The following PDIA3 variants were observed in gnomAD, a reference collection of about 807,000 sequenced individuals.
The protein encoded by PDIA3 is protein disulfide-isomerase A3.
PDIA3 carries 16 observed loss-of-function variants against 56.9 expected under a neutral mutation model. That is an observed-to-expected ratio of 0.28 (90% CI 0.19 to 0.43). The LOEUF (loss-of-function observed/expected upper bound fraction) is 0.43. Ranked by LOEUF, PDIA3 falls within the 20% of genes least tolerant of loss-of-function variation. PDIA3 has a pLI of 1.00. For synonymous variants in PDIA3, 192 were observed against 216.5 expected, an observed-to-expected ratio of 0.89 and a Z score of 0.99; for missense variants, 485 against 621.3, an observed-to-expected ratio of 0.78 and a Z score of 2.33.
intron 1 of PDIA3, among the ~76,000 whole-genome samples, chr15:43,749,217 C>A (rs1293362879): frequency 6.6e-6 from 1 of 152,086 alleles, no homozygotes; most frequent in East Asian, 1.9e-4. Context: ...CCTCAGCCTC[C>A]TGAGTAGCTG....
chr15:43,756,651 T>C lies in PDIA3; in HGVS notation c.249T>C (p.Val83=), dbSNP rs1421001610. Residue 83 remains valine (V), a splice_region_variant and synonymous_variant, in exon 3 of 13, where the codon GTT becomes GTC. Coordinates refer to ENST00000300289, the MANE Select transcript of PDIA3 (RefSeq NM_005313.5). ...AGTTTGTGTATTTTGATCTTTAGGT[T>C]GATTGCACTGCCAACACTAACACCT... ...RLKGIVPLAK[V]DCTANTNTCN... is the part of the protein sequence containing the mutation. 1 of 1,555,436 alleles carries C rather than the reference T, an allele frequency of 6.4e-7. No homozygotes were observed. The highest frequency in any genetic ancestry group is 1.4e-5 in the African/African-American group (1 of 73,816).
chr15:43,749,340 C>T (rs189158062), intron 1 of PDIA3, among the ~76,000 whole-genome samples: 8 of 152,080 alleles, frequency 5.3e-5, no homozygotes, highest in Admixed American at 2.0e-4. Flanking sequence ...CCACCCTCCT[C>T]GGCCTCCCAA....
rs2086880965 is a variant in PDIA3, at chr15:43,771,368, A to G, written c.*150A>G. ...TCTGAATCCTGTTAAATTTTCTCTA[A>G]ACTGTTTCTTAGCTGCACTGTTTAT... On this transcript the variant is annotated 3_prime_UTR_variant, in exon 13 of 13. Transcript: ENST00000300289. 1 of 532,052 alleles carries G rather than the reference A, an allele frequency of 1.9e-6. No homozygotes were observed. The highest frequency in any genetic ancestry group is 1.9e-5 in the African/African-American group (1 of 51,914). 33.0% of individuals were successfully genotyped at this position (532,052 alleles called of 1,614,324 possible). A position where few individuals can be genotyped will look rare whatever the true frequency, so the allele number is the denominator to read the frequency against.
Position 43,765,472 on chromosome 15 carries a change from T to G in PDIA3, c.625T>G (p.Ser209Ala), listed in dbSNP as rs747557925. 18 of 1,608,374 alleles carry G rather than the reference T, an allele frequency of 1.1e-5. No homozygotes were observed. The East Asian group carries it at 2.0e-4, about 18-fold the overall frequency. ...AAGGGGTATCATCTTATTTCGTCCTTCACATCTCACTAACAAGTTTGAGGA... is the reference window on the plus strand; with the variant it reads ...AAGGGGTATCATCTTATTTCGTCCTGCACATCTCACTAACAAGTTTGAGGA... ...NGEGIILFRP[S>A]HLTNKFEDKT... The change falls in exon 6 of 13, where the codon TCA (serine) becomes GCA (alanine). Residue 209 changes from serine to alanine, a missense_variant. Ser to Ala is a moderately conservative substitution (Grantham distance 99). Coordinates refer to ENST00000300289, the MANE Select transcript of PDIA3 (RefSeq NM_005313.5).
intron 1 of PDIA3, among the ~76,000 whole-genome samples, chr15:43,753,234 C>T (rs540618875): frequency 2.0e-5 from 3 of 152,284 alleles, no homozygotes; most frequent in South Asian, 2.1e-4. Context: ...CCCACCACCA[C>T]GCCTGGCTAA....
At chr15:43,749,958 A>C (rs949267833) in intron 1 of PDIA3, among the ~76,000 whole-genome samples, 2 of 151,988 alleles carry the variant, frequency 1.3e-5, no homozygotes, top group African/African-American at 4.8e-5. Flanking sequence ...AAAGAAAGTA[A>C]AATGGGCTTT....
intron 4 of PDIA3, 137 bp from the exon 5 acceptor site, chr15:43,762,940 G>A (rs1439246548): frequency 8.3e-6 from 6 of 726,406 alleles, no homozygotes; most frequent in Non-Finnish European, 1.3e-5. Context: ...GCCTGTCTGA[G>A]GTAGTCATGG....
intron 3 of PDIA3, among the ~76,000 whole-genome samples, chr15:43,759,591 C>G (rs561468050): frequency 3.9e-4 from 59 of 152,236 alleles, no homozygotes; most frequent in Admixed American, 1.3e-3. Flanking sequence ...ACACCTATAT[C>G]CACAGCAGCA....
At chr15:43,764,855 C>T (rs1025803365) in intron 5 of PDIA3, among the ~76,000 whole-genome samples, 2 of 152,096 alleles carry the variant, frequency 1.3e-5, no homozygotes, top group East Asian at 3.8e-4. Flanking sequence ...TAAATTGAGA[C>T]CTGGTCCAAC....
At chr15:43,747,013 A>G (rs755857635) in intron 1 of PDIA3, 3 of 433,718 alleles carry the variant, frequency 6.9e-6, no homozygotes, top group Non-Finnish European at 1.3e-5. Context: ...ATATGTAGCT[A>G]TATCTTTTCT....
intron 7 of PDIA3, among the ~76,000 whole-genome samples, chr15:43,766,490 G>T (rs1236763680): frequency 6.6e-6 from 1 of 152,190 alleles, no homozygotes; most frequent in East Asian, 1.9e-4. Flanking sequence ...ATTACAGCAA[G>T]ATTTAGCAGG....
Position 43,773,035 on chromosome 15 carries a change from T to C in PDIA3, c.*1817T>C. 3 of 1,285,964 alleles carry C rather than the reference T, an allele frequency of 2.3e-6. No homozygotes were observed. Among genetic ancestry groups the C allele is most frequent in the Non-Finnish European group, 3.2e-6 (3 of 924,036 alleles). 79.7% of individuals were successfully genotyped at this position (1,285,964 alleles called of 1,614,324 possible). A position where few individuals can be genotyped will look rare whatever the true frequency, so the allele number is the denominator to read the frequency against. Reference sequence around the variant, plus strand: ...CAGTGGTCAGCATAAGAAAAGCAGATAGTTGCATTCTATTTAGTTTATAGC... The same window carrying C: ...CAGTGGTCAGCATAAGAAAAGCAGACAGTTGCATTCTATTTAGTTTATAGC... On this transcript the variant is annotated 3_prime_UTR_variant, in exon 13 of 13. Transcript: ENST00000300289.
chr15:43,760,615 G>A (rs1427962644), intron 3 of PDIA3, among the ~76,000 whole-genome samples: 8 of 147,204 alleles, frequency 5.4e-5, no homozygotes, highest in East Asian at 2.1e-4. Flanking sequence ...TGCAAGCTCC[G>A]CCTCCCGGGT....
chr15:43,764,978 CATCTTAGTGTT>C (rs2086838982), intron 5 of PDIA3, among the ~76,000 whole-genome samples: 1 of 152,114 alleles, frequency 6.6e-6, no homozygotes, highest in Non-Finnish European at 1.5e-5. Context: ...AGGTGGTTAG[CATCTTAGTGTT>C]AATGAGAAGG....
rs768608232 is a variant in PDIA3, at chr15:43,765,909, A to G, written c.742A>G (p.Thr248Ala). ...ENIFGICPHMTEDNKDLIQGK... is the reference protein window; with the variant it reads ...ENIFGICPHMAEDNKDLIQGK... ...CAGTTTTGGTATCTGCCCTCACATGACAGAAGACAATAAAGATTTGATACA... is the reference window on the plus strand; with the variant it reads ...CAGTTTTGGTATCTGCCCTCACATGGCAGAAGACAATAAAGATTTGATACA... The change falls in exon 7 of 13, where the codon ACA (threonine) becomes GCA (alanine). Residue 248 changes from threonine (T) to alanine (A), a missense_variant. Physicochemically the swap from Thr to Ala is moderately conservative, Grantham distance 58 (BLOSUM62 0). Coordinates refer to ENST00000300289, the MANE Select transcript of PDIA3 (RefSeq NM_005313.5). 8.1e-6 allele frequency: 13 copies of G among 1,612,558 alleles called. No homozygotes were observed. Among genetic ancestry groups the G allele is most frequent in the African/African-American group, 1.3e-5 (1 of 74,978 alleles).
chr15:43,763,921 G>C (rs911412926), intron 5 of PDIA3, among the ~76,000 whole-genome samples: 5 of 152,182 alleles, frequency 3.3e-5, no homozygotes, highest in African/African-American at 1.2e-4. Context: ...AGATAGCCTA[G>C]GCATGTTGGG....
chr15:43,747,335 T>C (rs1236271435), intron 1 of PDIA3, among the ~76,000 whole-genome samples: 1 of 152,202 alleles, frequency 6.6e-6, no homozygotes, highest in Non-Finnish European at 1.5e-5. Flanking sequence ...ACAAGAATAA[T>C]TCCATCAGAA....
chr15:43,766,847 A>C lies in PDIA3; in HGVS notation c.965A>C (p.Glu322Ala). The change falls in exon 8 of 13, where the codon GAG (glutamate) becomes GCG (alanine). Residue 322 changes from glutamate to alanine, a missense_variant. Glu to Ala is a moderately radical substitution (Grantham distance 107). Transcript: ENST00000300289. ...TTTGGCTTGGAGAGCACTGCTGGAG[A>C]GATTCCTGTTGTTGCTATCAGAACT... ...SDFGLESTAG[E>A]IPVVAIRTAK... 6.2e-7 allele frequency: 1 copy of C among 1,613,988 alleles called. No homozygotes were observed. The highest frequency in any genetic ancestry group is 8.5e-7 in the Non-Finnish European group (1 of 1,179,848).
chr15:43,754,908 T>C (rs1239434490), intron 2 of PDIA3, among the ~76,000 whole-genome samples: 2 of 151,754 alleles, frequency 1.3e-5, no homozygotes, highest in African/African-American at 4.8e-5. Flanking sequence ...TGAGCTGTGA[T>C]TGAACCATTG....
Sources: gnomAD v4.1 joint callset for allele counts (sites outside exome capture counted in the v4.1 genomes callset) on GRCh38, gnomAD v4.1.1 for gene constraint, MANE v1.5 for transcripts, NCBI Gene and HGNC (gene_info 2026-07-23, HGNC 2026-07-21) for gene names.